Variants in CELF2 observed in about 807,000 individuals in gnomAD.
CELF2 encodes the protein CUG triplet repeat RNA-binding protein 2.
Under a neutral mutation model 62.6 loss-of-function variants are expected in CELF2, and 8 were observed. That is an observed-to-expected ratio of 0.13 (90% CI 0.07 to 0.23). CELF2 has a LOEUF of 0.23. CELF2 is among the 10% of genes least tolerant of loss of function. The pLI is 1.00. For synonymous variants in CELF2, 258 were observed against 250.0 expected (o/e 1.03, Z -0.30); for missense variants, 333 against 671.0 (o/e 0.50, Z 5.56).
At chr10:10,828,983 C>G (rs1258316861) in intron 1 of CELF2, among the ~76,000 whole-genome samples, 3 of 152,106 alleles carry the variant, frequency 2.0e-5, no homozygotes, top group Non-Finnish European at 4.4e-5. Context: ...AAATGAAAAA[C>G]AGCATATATG....
intron 1 of CELF2, among the ~76,000 whole-genome samples, chr10:10,803,625 A>G (rs2054897945): frequency 1.3e-5 from 2 of 152,264 alleles, no homozygotes; most frequent in Non-Finnish European, 2.9e-5. Flanking sequence ...GGCAACAGCC[A>G]GTACTCAACT....
intron 1 of CELF2, chr10:11,071,804 T>C (rs1320618803): frequency 6.6e-6 from 1 of 152,192 alleles, no homozygotes; most frequent in Non-Finnish European, 1.5e-5. Flanking sequence ...TCTCAGTTCT[T>C]CTTACCTGGG....
upstream of CELF2, among the ~76,000 whole-genome samples, chr10:11,015,827 G>A (rs1200987494): frequency 6.6e-6 from 1 of 152,174 alleles, no homozygotes; most frequent in African/African-American, 2.4e-5. The surrounding 1 kb of genome is among the most constrained non-coding windows in gnomAD (Gnocchi z 4.8). Flanking sequence ...CAGTAAGAGG[G>A]CTTCCTTACA....
At chr10:11,133,901 G>T (rs910430489) in intron 1 of CELF2, among the ~76,000 whole-genome samples, 1 of 152,122 alleles carries the variant, frequency 6.6e-6, no homozygotes, top group African/African-American at 2.4e-5. Flanking sequence ...CCCCAGCTTA[G>T]CAGATGTTAA....
At chr10:11,092,435 T>C (rs1040498943) in intron 1 of CELF2, 1 of 152,214 alleles carries the variant, frequency 6.6e-6, no homozygotes, top group Non-Finnish European at 1.5e-5. Context: ...GCAAGGTTCA[T>C]AGCTGAGACC....
intron 1 of CELF2, among the ~76,000 whole-genome samples, chr10:10,801,784 A>G (rs1485056003): frequency 6.6e-6 from 1 of 152,218 alleles, no homozygotes; most frequent in Non-Finnish European, 1.5e-5. Context: ...TTGCTCCTAA[A>G]AAGTCATCAA....
At position 11,095,665 on chromosome 10, in the gene CELF2, A is replaced by C. The variant is rs183435038; in HGVS notation, c.75-69821A>C. Among the ~76,000 whole-genome samples the C allele has an allele frequency of 3.6e-3, 552 of 152,316 alleles. 3 individuals are homozygous for C. Among genetic ancestry groups the C allele is most frequent in the African/African-American group, 0.013 (531 of 41,562 alleles). On this transcript the variant is annotated intron_variant, in intron 1 of 12. Coordinates refer to ENST00000633077, the MANE Select transcript of CELF2 (RefSeq NM_001326342.2). ...GGCCTGTTGCCTTTCAACTTGAAAG[A>C]GGTTGTGGTAGAATTTTTGTTTCGC... is the stretch of plus-strand genomic sequence containing the variant.
chr10:10,770,319 G>A, the CELF2 span, among the ~76,000 whole-genome samples: 135 of 152,098 alleles, frequency 8.9e-4, no homozygotes, highest in African/African-American at 2.9e-3. Flanking sequence ...GCGACAGAGC[G>A]AGACTCCATC....
the CELF2 span, chr10:10,792,336 G>C: frequency 7.5e-6 from 3 of 398,206 alleles, no homozygotes; most frequent in East Asian, 3.6e-5. Context: ...GAGTTTTTGT[G>C]GGGGAGTGGG....
At chr10:10,667,496 C>T in the CELF2 span, among the ~76,000 whole-genome samples, 1 of 152,156 alleles carries the variant, frequency 6.6e-6, no homozygotes, top group East Asian at 1.9e-4. Context: ...AGGCTGATCA[C>T]GACTATAAAT....
chr10:11,166,585 C>G (rs1265498101), intron 2 of CELF2, among the ~76,000 whole-genome samples: 1 of 152,186 alleles, frequency 6.6e-6, no homozygotes, highest in African/African-American at 2.4e-5. Context: ...TTGTTGATCT[C>G]TCAGTCTCTC....
rs144421633 is a variant in CELF2, at chr10:11,061,511, G to A, written c.74+43348G>A. Reference sequence around the variant, plus strand: ...AGACCTAGCAAGATCATTGATGAAGGTGGCAACACTGAACAACAGGTTTTT... The same window carrying A: ...AGACCTAGCAAGATCATTGATGAAGATGGCAACACTGAACAACAGGTTTTT... On this transcript the variant is annotated intron_variant, in intron 1 of 12. Coordinates refer to ENST00000633077, the MANE Select transcript of CELF2 (RefSeq NM_001326342.2). Among the ~76,000 whole-genome samples, 159 of 152,340 alleles carry A rather than the reference G, an allele frequency of 1.0e-3. 2 individuals carry two copies. The East Asian group carries it at 0.017, about 16-fold the overall frequency.
rs2058027262 is a variant in CELF2, at chr10:11,197,052, A to AGAAAGGAAGGAAAGAAAGAAGGAAAGAAG, written c.272-20368_272-20367insGAAGGAAAGAAAGAAGGAAAGAAGGAAAG. Among the ~76,000 whole-genome samples the AGAAAGGAAGGAAAGAAAGAAGGAAAGAAG allele has an allele frequency of 4.4e-4, 14 of 31,688 alleles. 1 individual carries two copies. The highest frequency in any genetic ancestry group is 1.1e-3 in the African/African-American group (9 of 7,830). The allele number at this position is 31,688 out of a possible 152,430, so 20.8% of individuals were successfully genotyped here. A position where few individuals can be genotyped will look rare whatever the true frequency, so the allele number is the denominator to read the frequency against. On this transcript the variant is annotated intron_variant, in intron 2 of 12. Transcript: ENST00000633077. Reference sequence around the variant, plus strand: ...AAGAAAGAAAGAAAGAAAGAAAGAAAGAAAGAAAAGAAAGAAAGGAAAGAA... The same window carrying AGAAAGGAAGGAAAGAAAGAAGGAAAGAAG: ...AAGAAAGAAAGAAAGAAAGAAAGAAAGAAAGGAAGGAAAGAAAGAAGGAAAGAAGGAAAGAAAAGAAAGAAAGGAAAGAA...
intron 1 of CELF2, among the ~76,000 whole-genome samples, chr10:10,799,056 G>A (rs1350896454): frequency 6.6e-6 from 1 of 152,208 alleles, no homozygotes; most frequent in Non-Finnish European, 1.5e-5. Context: ...TGGCAATGAG[G>A]GAGGACAGTC....
chr10:11,085,463 G>A (rs1250718082), intron 1 of CELF2, among the ~76,000 whole-genome samples: 1 of 152,114 alleles, frequency 6.6e-6, no homozygotes, highest in Non-Finnish European at 1.5e-5. Context: ...ATTTTGATTG[G>A]CAAATTGTTA....
At chr10:10,720,079 G>C in the CELF2 span, among the ~76,000 whole-genome samples, 1 of 152,186 alleles carries the variant, frequency 6.6e-6, no homozygotes, top group African/African-American at 2.4e-5. Flanking sequence ...CGTTTCATGA[G>C]GAGAGGAAGG....
At chr10:11,079,331 T>C (rs1270963043) in intron 1 of CELF2, among the ~76,000 whole-genome samples, 1 of 152,214 alleles carries the variant, frequency 6.6e-6, no homozygotes, top group Admixed American at 6.5e-5. Flanking sequence ...ACCCAGCTTT[T>C]AGGTTGAAGT....
At chr10:10,839,015 A>AGTAG (rs2058497013) in intron 1 of CELF2, among the ~76,000 whole-genome samples, 1 of 152,094 alleles carries the variant, frequency 6.6e-6, no homozygotes, top group South Asian at 2.1e-4. Context: ...ACGTGGTGGC[A>AGTAG]CACACCTGTA....
At chr10:10,827,064 C>T (rs190803366) in intron 1 of CELF2, among the ~76,000 whole-genome samples, 63 of 151,946 alleles carry the variant, frequency 4.1e-4, no homozygotes, top group African/African-American at 1.4e-3. Context: ...AGTAATTCTG[C>T]GCCCTCCTGG....
Sources: gnomAD v4.1 joint callset for allele counts (sites outside exome capture counted in the v4.1 genomes callset) on GRCh38, gnomAD v4.1.1 for gene constraint, Gnocchi (gnomAD v3.1) non-coding constraint, MANE v1.5 for transcripts, NCBI Gene and HGNC (gene_info 2026-07-23, HGNC 2026-07-21) for gene names.